The following CCDC73 variants were observed in gnomAD, a reference collection of about 807,000 sequenced individuals.
CCDC73 encodes coiled-coil domain-containing protein 73.
CCDC73 carries 95 observed loss-of-function variants against 116.5 expected under a neutral mutation model. The ratio of observed to expected loss-of-function variants is 0.82; its 90% CI spans 0.69 to 0.97. The LOEUF (loss-of-function observed/expected upper bound fraction) is 0.97, where lower values mean the gene tolerates loss of function less well. Among genes scored for constraint, CCDC73 ranks in the 50% least tolerant of loss-of-function variants. The pLI is 0.00. For missense variants in CCDC73, 1,066 were observed against 1,206.8 expected, an observed-to-expected ratio of 0.88 and a Z score of 1.73; for synonymous variants, 398 against 401.3, an observed-to-expected ratio of 0.99 and a Z score of 0.10.
chr11:32,792,104 G>A (rs198270), intron 1 of CCDC73, among the ~76,000 whole-genome samples: 144,169 of 152,244 alleles, frequency 0.95, 68,341 homozygotes, highest in East Asian at 1. Context: ...CCATTGAATC[G>A]ATGACTTCTT....
intron 2 of CCDC73, among the ~76,000 whole-genome samples, chr11:32,725,365 A>G (rs1850022063): frequency 1.3e-5 from 2 of 152,242 alleles, no homozygotes; most frequent in South Asian, 4.1e-4. Context: ...AGGTATGTAC[A>G]TGTCGGGAAA....
intron 15 of CCDC73, among the ~76,000 whole-genome samples, chr11:32,615,417 T>G (rs987772996): frequency 6.6e-6 from 1 of 152,176 alleles, no homozygotes; most frequent in Non-Finnish European, 1.5e-5. Flanking sequence ...TCACTTTTAT[T>G]CATTACCCAG....
chr11:32,638,504 CAG>C (rs1266164472), intron 13 of CCDC73, among the ~76,000 whole-genome samples: 3 of 151,930 alleles, frequency 2.0e-5, no homozygotes. Flanking sequence ...TTTTTTGAGA[CAG>C]AGTCTTGTTC....
intron 2 of CCDC73, among the ~76,000 whole-genome samples, chr11:32,729,348 T>A (rs866349286): frequency 6.6e-6 from 1 of 152,246 alleles, no homozygotes; most frequent in East Asian, 1.9e-4. Flanking sequence ...AAGGACATGA[T>A]CTCGTTCCTT....
At position 32,621,971 on chromosome 11, in the gene CCDC73, C is replaced by T. The variant is rs532278840; in HGVS notation, c.1186-5842G>A. 4.3e-4 allele frequency among the ~76,000 whole-genome samples: 66 copies of T among 152,250 alleles called. 1 individual carries two copies. The South Asian group carries it at 0.013, about 31-fold the overall frequency. On this transcript the variant is annotated intron_variant, in intron 14 of 17. Coordinates refer to ENST00000335185, the MANE Select transcript of CCDC73 (RefSeq NM_001008391.4). ...AAACCACAATGAGAATACCATCTCA[C>T]GCCAAGTCAGAATGGTGATTATTAA... is the stretch of plus-strand genomic sequence containing the variant.
At chr11:32,612,844 C>T (rs1209719657) in intron 16 of CCDC73, among the ~76,000 whole-genome samples, 1 of 152,120 alleles carries the variant, frequency 6.6e-6, no homozygotes, top group Non-Finnish European at 1.5e-5. Context: ...ATTTACCTCT[C>T]CCCCCATTTT....
chr11:32,763,124 C>A (rs768418257), intron 1 of CCDC73, among the ~76,000 whole-genome samples: 1 of 152,338 alleles, frequency 6.6e-6, no homozygotes, highest in Non-Finnish European at 1.5e-5. Flanking sequence ...TGGAGCCCAC[C>A]GTCGCTCAAG....
intron 9 of CCDC73, among the ~76,000 whole-genome samples, chr11:32,666,890 A>C (rs1855988364): frequency 1.3e-5 from 2 of 152,154 alleles, no homozygotes; most frequent in Admixed American, 1.3e-4. Flanking sequence ...CAGGACCCTC[A>C]GCTGCAGGTC....
chr11:32,671,166 A>G (rs1168170087), intron 9 of CCDC73, among the ~76,000 whole-genome samples: 1 of 152,088 alleles, frequency 6.6e-6, no homozygotes, highest in African/African-American at 2.4e-5. Flanking sequence ...AGTCATAAAT[A>G]TTGCGCTCTT....
At chr11:32,801,414 G>A in the CCDC73 span, among the ~76,000 whole-genome samples, 15,440 of 152,196 alleles carry the variant, frequency 0.1, 1,045 homozygotes, top group Non-Finnish European at 0.15. Flanking sequence ...AGGCCAAGGC[G>A]GGCAGATCAT....
chr11:32,791,964 CA>C (rs527497163), intron 1 of CCDC73, among the ~76,000 whole-genome samples: 40 of 137,836 alleles, frequency 2.9e-4, no homozygotes, highest in South Asian at 4.9e-4. Context: ...GACCCTGTCT[CA>C]AAAAAAAAAA....
At chr11:32,818,617 A>G in the CCDC73 span, among the ~76,000 whole-genome samples, 1 of 152,234 alleles carries the variant, frequency 6.6e-6, no homozygotes, top group African/African-American at 2.4e-5. Flanking sequence ...GAGTGTTCAT[A>G]GCAGCATTAT....
chr11:32,644,988 C>T (rs201864), intron 12 of CCDC73, among the ~76,000 whole-genome samples: 67,036 of 151,992 alleles, frequency 0.44, 15,288 homozygotes, highest in African/African-American at 0.52. Context: ...AGTTTGTTTA[C>T]ACATTGACCT....
Position 32,678,895 on chromosome 11 carries a change from A to AT in CCDC73, c.430-2875_430-2874insA, listed in dbSNP as rs1491427935. 6.1e-3 allele frequency among the ~76,000 whole-genome samples: 864 copies of AT among 142,154 alleles called. 7 individuals are homozygous for AT. The highest frequency in any genetic ancestry group is 0.01 in the Non-Finnish European group (675 of 64,954). The allele number at this position is 142,154 out of a possible 152,430, so 93.3% of individuals were successfully genotyped here. A position where few individuals can be genotyped will look rare whatever the true frequency, so the allele number is the denominator to read the frequency against. ...AAGGCTCCGTCACAAAAAAAAAAAA[A>AT]AAATATATATATATACACACACACA... On this transcript the variant is annotated intron_variant, in intron 7 of 17. Transcript: ENST00000335185.
Position 32,699,317 on chromosome 11 carries a change from A to G in CCDC73, c.324T>C (p.Tyr108=), listed in dbSNP as rs1814267878. The change falls in exon 6 of 18, where the codon TAT becomes TAC. Residue 108 remains tyrosine, a synonymous_variant. Transcript: ENST00000335185. The stretch of plus-strand genomic sequence containing the variant: ...TTTCCTTTATTTCTGTAGCAAGTTG[A>G]TATTTTCCCTTTAAGTAAAAAACTG... ...MCALEEEKGK[Y]QLATEIKEKE... is the part of the protein sequence containing the mutation. 6.4e-7 allele frequency: 1 copy of G among 1,571,778 alleles called. No homozygotes were observed.
At chr11:32,663,654 G>A (rs1180541021) in intron 9 of CCDC73, among the ~76,000 whole-genome samples, 3 of 152,022 alleles carry the variant, frequency 2.0e-5, no homozygotes, top group Non-Finnish European at 4.4e-5. Context: ...CTCTTTTCCT[G>A]ATTGAATACC....
chr11:32,625,868 A>C (rs1218717004), intron 14 of CCDC73, among the ~76,000 whole-genome samples: 2 of 151,268 alleles, frequency 1.3e-5, no homozygotes, highest in African/African-American at 4.9e-5. Context: ...CCCACAGCCA[A>C]TATCATACTG....
chr11:32,694,740 A>G (rs1264499572), intron 6 of CCDC73, among the ~76,000 whole-genome samples: 1 of 152,224 alleles, frequency 6.6e-6, no homozygotes, highest in African/African-American at 2.4e-5. Flanking sequence ...ACCTTTTAGT[A>G]GGAAAAAAAT....
At chr11:32,787,052 G>T (rs966739406) in intron 1 of CCDC73, among the ~76,000 whole-genome samples, 2 of 152,122 alleles carry the variant, frequency 1.3e-5, no homozygotes, top group East Asian at 3.8e-4. Flanking sequence ...ATCTTTATTT[G>T]CTTCTCCAGT....
Sources: allele counts gnomAD v4.1 joint callset (sites outside exome capture counted in the v4.1 genomes callset), GRCh38; gene constraint gnomAD v4.1.1; transcripts MANE v1.5; gene names NCBI Gene and HGNC (gene_info 2026-07-23, HGNC 2026-07-21).